Variants in MPP7 observed in about 807,000 individuals in gnomAD.
MPP7 encodes MAGUK p55 scaffold protein 7, also known as MAGUK p55 subfamily member 7.
In MPP7, 60 loss-of-function variants were observed where a neutral mutation model predicts 76.5. The ratio of observed to expected loss-of-function variants is 0.78; its 90% CI spans 0.64 to 0.97. MPP7 has a LOEUF of 0.97. MPP7 is among the 50% of genes least tolerant of loss of function. MPP7 has a pLI of 0.00. For missense variants in MPP7, 641 were observed against 694.0 expected (o/e 0.92, Z 0.86); for synonymous variants, 237 against 244.5 (o/e 0.97, Z 0.29).
At chr10:28,279,196 T>C (rs72803693) in intron 1 of MPP7, among the ~76,000 whole-genome samples, 10,707 of 152,082 alleles carry the variant, frequency 0.07, 481 homozygotes, top group Middle Eastern at 0.12. Flanking sequence ...TAAGGCTCAG[T>C]ATCTCCTAAG....
At chr10:28,063,516 G>A (rs1004038177) in intron 13 of MPP7, among the ~76,000 whole-genome samples, 1 of 151,574 alleles carries the variant, frequency 6.6e-6, no homozygotes, top group African/African-American at 2.4e-5. Context: ...AAAGAAGATC[G>A]GGGGTCCCCA....
At position 28,125,979 on chromosome 10, in the gene MPP7, T is replaced by C. The variant is rs533618706; in HGVS notation, c.448-888A>G. Among the ~76,000 whole-genome samples, 311 of 152,360 alleles carry C rather than the reference T, an allele frequency of 2.0e-3. 1 individual carries two copies. The highest frequency in any genetic ancestry group is 3.5e-3 in the Non-Finnish European group (235 of 68,038). ...ACATTGCATAATACTGCTAAAAAGG[T>C]ATGCTTTTCAGTGGCAGCAGAATTC... On this transcript the variant is annotated intron_variant, in intron 6 of 16. Transcript: ENST00000683449.
intron 1 of MPP7, among the ~76,000 whole-genome samples, chr10:28,262,093 T>C (rs1298786595): frequency 6.7e-6 from 1 of 149,046 alleles, no homozygotes; most frequent in Non-Finnish European, 1.5e-5. Context: ...GAGGTTGCAG[T>C]GAGCTGAGAA....
intron 1 of MPP7, among the ~76,000 whole-genome samples, chr10:28,265,447 T>C (rs972123299): frequency 6.6e-6 from 1 of 152,068 alleles, no homozygotes; most frequent in Admixed American, 6.5e-5. Flanking sequence ...TAGTCCCAGC[T>C]GCTTGGGAGG....
chr10:28,197,737 C>T (rs1461279855), intron 3 of MPP7, among the ~76,000 whole-genome samples: 4 of 152,204 alleles, frequency 2.6e-5, no homozygotes, highest in African/African-American at 9.7e-5. Context: ...CATATAGTAA[C>T]TGGCATAGAG....
intron 1 of MPP7, among the ~76,000 whole-genome samples, chr10:28,296,815 A>G (rs1270069583): frequency 3.3e-5 from 5 of 152,192 alleles, no homozygotes; most frequent in Non-Finnish European, 7.3e-5. Flanking sequence ...TTACTTAAGT[A>G]TCTGTTCATA....
At chr10:28,247,589 A>G (rs1442536713) in intron 1 of MPP7, among the ~76,000 whole-genome samples, 1 of 152,200 alleles carries the variant, frequency 6.6e-6, no homozygotes, top group Non-Finnish European at 1.5e-5. Context: ...TTATACTCCT[A>G]AAGGAAATCC....
chr10:28,129,245 A>G (rs1835117462), intron 6 of MPP7, among the ~76,000 whole-genome samples: 1 of 152,220 alleles, frequency 6.6e-6, no homozygotes, highest in Non-Finnish European at 1.5e-5. Flanking sequence ...ATCCTATAGC[A>G]TAGTCTGCCA....
chr10:28,332,246 C>T (rs74847287), intron 1 of MPP7, among the ~76,000 whole-genome samples: 14,789 of 146,860 alleles, frequency 0.1, 945 homozygotes, highest in Non-Finnish European at 0.14. Context: ...CAAATGTATG[C>T]GTGTGTGTGT....
At chr10:28,269,400 C>T (rs1037042516) in intron 1 of MPP7, among the ~76,000 whole-genome samples, 3 of 152,194 alleles carry the variant, frequency 2.0e-5, no homozygotes, top group African/African-American at 7.2e-5. Context: ...ATTATGCCCC[C>T]AAACTCTTCA....
intron 2 of MPP7, among the ~76,000 whole-genome samples, chr10:28,205,764 G>T (rs1249236809): frequency 6.6e-6 from 1 of 152,174 alleles, no homozygotes; most frequent in Admixed American, 6.5e-5. Flanking sequence ...AAAGTCTTCA[G>T]AAAAGAAGTA....
intron 1 of MPP7, among the ~76,000 whole-genome samples, chr10:28,277,144 G>A (rs1840526890): frequency 6.6e-6 from 1 of 151,958 alleles, no homozygotes; most frequent in Admixed American, 6.6e-5. Flanking sequence ...CCGTGACAGT[G>A]TCACTGTACT....
At chr10:28,176,473 G>A (rs993768957) in intron 3 of MPP7, among the ~76,000 whole-genome samples, 41 of 152,226 alleles carry the variant, frequency 2.7e-4, no homozygotes, top group Non-Finnish European at 5.3e-4. Context: ...GGTGGCTCAC[G>A]CCTGTATCCC....
chr10:28,248,489 C>A (rs942811434), intron 1 of MPP7, among the ~76,000 whole-genome samples: 8 of 152,160 alleles, frequency 5.3e-5, no homozygotes, highest in African/African-American at 1.9e-4. Flanking sequence ...TTCTCAGCTT[C>A]CTTGGCCTCC....
At chr10:28,195,284 A>G (rs184617764) in intron 3 of MPP7, among the ~76,000 whole-genome samples, 1 of 152,326 alleles carries the variant, frequency 6.6e-6, no homozygotes, top group African/African-American at 2.4e-5. Context: ...ACCCTTATAC[A>G]CTGCTGGTGG....
At chr10:28,293,922 T>C (rs916233492) in intron 1 of MPP7, among the ~76,000 whole-genome samples, 14 of 152,202 alleles carry the variant, frequency 9.2e-5, no homozygotes, top group Non-Finnish European at 1.8e-4. Context: ...AGGGTTTCAC[T>C]AATGAAAGGA....
In MPP7 at chr10:28,074,568, A is replaced by G. The variant is rs975597871; in HGVS notation, c.1124-4716T>C. The stretch of plus-strand genomic sequence containing the variant: ...CACCTTGGCTTCCCAAAGCGCTGGG[A>G]TTACAGGCATGAACCACAATGCCCA... On this transcript the variant is annotated intron_variant, in intron 12 of 16. Coordinates refer to ENST00000683449, the MANE Select transcript of MPP7 (RefSeq NM_001318170.2). 3.9e-4 allele frequency among the ~76,000 whole-genome samples: 59 copies of G among 152,194 alleles called. 1 individual carries two copies. Among genetic ancestry groups the G allele is most frequent in the Admixed American group, 3.6e-3 (55 of 15,284 alleles).
chr10:28,094,301 C>T (rs1014558687), intron 11 of MPP7, among the ~76,000 whole-genome samples: 1 of 152,064 alleles, frequency 6.6e-6, no homozygotes, highest in Non-Finnish European at 1.5e-5. Flanking sequence ...GCAGTGAGGT[C>T]GCAACAGGGG....
intron 11 of MPP7, among the ~76,000 whole-genome samples, chr10:28,093,440 T>C (rs1305185996): frequency 6.6e-6 from 1 of 150,554 alleles, no homozygotes; most frequent in African/African-American, 2.4e-5. Context: ...AGTTTTTACT[T>C]TCCTTTTTTT....
Sources: gnomAD v4.1 joint callset for allele counts (sites outside exome capture counted in the v4.1 genomes callset) on GRCh38, gnomAD v4.1.1 for gene constraint, MANE v1.5 for transcripts, NCBI Gene and HGNC (gene_info 2026-07-23, HGNC 2026-07-21) for gene names.